Variants in ZBTB16 observed in about 807,000 individuals in gnomAD.
ZBTB16 encodes zinc finger and BTB domain containing 16.
Under a neutral mutation model 56.8 loss-of-function variants are expected in ZBTB16, and 8 were observed. The observed-to-expected ratio is 0.14, with a 90% CI of 0.08 to 0.25. ZBTB16 has a LOEUF of 0.25. ZBTB16 is among the 10% of genes least tolerant of loss of function. The probability of loss-of-function intolerance (pLI) is 1.00; values close to 1 mark genes in which losing one functional copy is unlikely to be tolerated. For missense variants in ZBTB16, 625 were observed against 903.0 expected, an observed-to-expected ratio of 0.69 and a Z score of 3.95; for synonymous variants, 363 against 368.5, an observed-to-expected ratio of 0.98 and a Z score of 0.17.
intron 2 of ZBTB16, among the ~76,000 whole-genome samples, chr11:114,106,353 A>G (rs556457127): frequency 5.1e-4 from 77 of 152,326 alleles, no homozygotes; most frequent in Middle Eastern, 3.4e-3. Flanking sequence ...AAGCATCATT[A>G]TGATGGATTA....
chr11:114,124,392 A>G (rs1235402698), intron 2 of ZBTB16, among the ~76,000 whole-genome samples: 5 of 151,808 alleles, frequency 3.3e-5, no homozygotes, highest in Non-Finnish European at 7.4e-5. Context: ...CCCACCCTCT[A>G]TTCTCTCTTA....
At chr11:114,155,869 G>C (rs1431291617) in intron 2 of ZBTB16, among the ~76,000 whole-genome samples, 1 of 152,176 alleles carries the variant, frequency 6.6e-6, no homozygotes, top group Non-Finnish European at 1.5e-5. Context: ...TGTAGTGGAA[G>C]TTGGAGGTAG....
At chr11:114,061,689 C>T (rs1056018312) in intron 1 of ZBTB16, 3 of 152,264 alleles carry the variant, frequency 2.0e-5, no homozygotes, top group Non-Finnish European at 2.9e-5. Flanking sequence ...GTCTTTCTAA[C>T]ACTCCTGTAA....
intron 3 of ZBTB16, among the ~76,000 whole-genome samples, chr11:114,174,824 C>T (rs1943065350): frequency 6.6e-6 from 1 of 152,288 alleles, no homozygotes; most frequent in African/African-American, 2.4e-5. Context: ...TTCCTGGAAA[C>T]TCCACCAGGA....
intron 2 of ZBTB16, among the ~76,000 whole-genome samples, chr11:114,068,248 G>A (rs79854544): frequency 1.3e-3 from 192 of 152,212 alleles, no homozygotes; most frequent in African/African-American, 4.3e-3. Flanking sequence ...TGGGGTGGGG[G>A]GGCAGAAGGG....
At chr11:114,116,185 A>G (rs1218773265) in intron 2 of ZBTB16, among the ~76,000 whole-genome samples, 2 of 152,154 alleles carry the variant, frequency 1.3e-5, no homozygotes, top group Non-Finnish European at 2.9e-5. Flanking sequence ...CGGCGAAGTG[A>G]GGGGTGATGG....
chr11:114,193,793 G>A (rs929029056), intron 4 of ZBTB16, among the ~76,000 whole-genome samples: 1 of 152,142 alleles, frequency 6.6e-6, no homozygotes, highest in Non-Finnish European at 1.5e-5. Context: ...AAGGAATGGA[G>A]ACCCTGGGAC....
At chr11:114,066,659 A>C (rs367967731) in intron 2 of ZBTB16, among the ~76,000 whole-genome samples, 117 of 151,734 alleles carry the variant, frequency 7.7e-4, no homozygotes, top group African/African-American at 2.7e-3. Context: ...AGAGAGGGAG[A>C]GTTGGCCATG....
chr11:114,090,130 G>A (rs774601830), intron 2 of ZBTB16, among the ~76,000 whole-genome samples: 3 of 152,228 alleles, frequency 2.0e-5, no homozygotes, highest in Non-Finnish European at 2.9e-5. Context: ...ATAAGTGACC[G>A]AGGCCTGCAG....
At chr11:114,095,251 T>TTTCTTTTCTTTTCTTTTTTC (rs1271465856) in intron 2 of ZBTB16, among the ~76,000 whole-genome samples, 1 of 122,980 alleles carries the variant, frequency 8.1e-6, no homozygotes, top group South Asian at 2.8e-4. Flanking sequence ...TTTTCTTTTT[T>TTTCTTTTCTTTTCTTTTTTC]TTTTTTTTTT....
rs1239299646 is a variant in ZBTB16 at position 114,255,417 on chromosome 11, CTCTCTT to C, written c.*4868_*4873del. On this transcript the variant is annotated 3_prime_UTR_variant, in exon 7 of 7. Coordinates refer to ENST00000335953, the MANE Select transcript of ZBTB16 (RefSeq NM_006006.6). Reference sequence around the variant, plus strand: ...CTTTTTTGTACAAATCAATCTCTTTCTCTCTTTCTCTCCTCCCCACCTCTCACCCTT... The same window carrying C: ...CTTTTTTGTACAAATCAATCTCTTTCTCTCTCCTCCCCACCTCTCACCCTT... Among the ~76,000 whole-genome samples the C allele has an allele frequency of 2.3e-5, 3 of 127,960 alleles. No homozygotes were observed. The East Asian group carries it at 1.0e-3, about 44-fold the overall frequency. The allele number at this position is 127,960 out of a possible 152,430, so 83.9% of individuals were successfully genotyped here. A position where few individuals can be genotyped will look rare whatever the true frequency, so the allele number is the denominator to read the frequency against.
chr11:114,181,733 G>T (rs542121543), intron 3 of ZBTB16, among the ~76,000 whole-genome samples: 10 of 152,126 alleles, frequency 6.6e-5, no homozygotes, highest in African/African-American at 2.2e-4. Flanking sequence ...TATTTTTCTC[G>T]GTTTGCTTGG....
chr11:114,178,005 G>A (rs1943157662), intron 3 of ZBTB16, among the ~76,000 whole-genome samples: 2 of 151,852 alleles, frequency 1.3e-5, no homozygotes, highest in Admixed American at 1.3e-4. Flanking sequence ...TTCCCTTCTG[G>A]GTAGGCAGTA....
At chr11:114,181,714 A>G (rs2135044747) in intron 3 of ZBTB16, among the ~76,000 whole-genome samples, 1 of 152,140 alleles carries the variant, frequency 6.6e-6, no homozygotes, top group South Asian at 2.1e-4. Context: ...CTGCACCTCT[A>G]GATCCTGCTA....
chr11:114,101,062 A>G (rs1261035030), intron 2 of ZBTB16, among the ~76,000 whole-genome samples: 1 of 152,122 alleles, frequency 6.6e-6, no homozygotes, highest in Non-Finnish European at 1.5e-5. Flanking sequence ...GTGCAGTGGC[A>G]TAATCTCGGC....
intron 2 of ZBTB16, among the ~76,000 whole-genome samples, chr11:114,100,353 A>C (rs1373635201): frequency 1.3e-5 from 2 of 152,298 alleles, no homozygotes; most frequent in Admixed American, 6.5e-5. Flanking sequence ...AACCCAGGGA[A>C]ACTGAAGCTG....
intron 2 of ZBTB16, among the ~76,000 whole-genome samples, chr11:114,100,776 G>A (rs1198607623): frequency 1.3e-5 from 2 of 152,110 alleles, no homozygotes; most frequent in Admixed American, 1.3e-4. Flanking sequence ...ATAAGACTGG[G>A]ATACTTACAA....
intron 4 of ZBTB16, among the ~76,000 whole-genome samples, chr11:114,218,984 T>C (rs1271760822): frequency 6.6e-6 from 1 of 152,180 alleles, no homozygotes; most frequent in Admixed American, 6.5e-5. Flanking sequence ...CACCATCAAT[T>C]CTGTCTTGGC....
chr11:114,215,111 T>G (rs2135138339), intron 4 of ZBTB16, among the ~76,000 whole-genome samples: 1 of 152,336 alleles, frequency 6.6e-6, no homozygotes, highest in Non-Finnish European at 1.5e-5. Context: ...TGAAAAGAAT[T>G]GTCTTTTATG....
Sources: allele counts gnomAD v4.1 joint callset (sites outside exome capture counted in the v4.1 genomes callset), GRCh38; gene constraint gnomAD v4.1.1; transcripts MANE v1.5; gene names NCBI Gene and HGNC (gene_info 2026-07-23, HGNC 2026-07-21).